The following PTPRH variants were observed in gnomAD, a reference collection of about 807,000 sequenced individuals.
PTPRH encodes the protein protein tyrosine phosphatase receptor type H.
A neutral mutation model predicts 130.2 loss-of-function variants in PTPRH; 113 were observed. The ratio of observed to expected loss-of-function variants is 0.87; its 90% confidence interval spans 0.75 to 1.01. The LOEUF (loss-of-function observed/expected upper bound fraction) is 1.01. Ranked by LOEUF, PTPRH falls within the 50% of genes least tolerant of loss-of-function variation. The probability of loss-of-function intolerance (pLI) is 0.00; values close to 1 mark genes in which losing one functional copy is unlikely to be tolerated. For missense variants in PTPRH, 1,430 were observed against 1,425.0 expected, an observed-to-expected ratio of 1.00 and a Z score of -0.06; for synonymous variants, 556 against 577.9, an observed-to-expected ratio of 0.96 and a Z score of 0.54.
Position 55,198,817 on chromosome 19 carries a change from AG to A in PTPRH, c.1515del (p.Tyr506ThrfsTer12). 1 of 1,609,618 alleles carries A rather than the reference AG, an allele frequency of 6.2e-7. No individual in the cohort carries two copies. The highest frequency in any genetic ancestry group is 8.5e-7 in the Non-Finnish European group (1 of 1,177,494). On this transcript the variant is annotated frameshift_variant, in exon 8 of 20. Transcript: ENST00000376350. LOFTEE classifies it high-confidence loss of function. ...CTGACCCATGAGACCCAGTAGCTGT[AG>A]GAAGACTGGCCTGGGCCCTGGGGAG... ...WTAPQGPGQS[S>X]YSYWVSWVRE...
chr19:55,195,948 T>C (rs756595301), intron 10 of PTPRH, among the ~76,000 whole-genome samples: 3 of 147,306 alleles, frequency 2.0e-5, no homozygotes, highest in Non-Finnish European at 3.0e-5. Flanking sequence ...TTCCGAGGGC[T>C]GGGGGCTGGG....
chr19:55,194,153 C>T, intron 10 of PTPRH: 1 of 1,288,334 alleles, frequency 7.8e-7, no homozygotes, highest in South Asian at 1.2e-5. Flanking sequence ...CCTGGCTGAT[C>T]TGGTGGTGTC....
chr19:55,195,576 A>G (rs918184588), intron 10 of PTPRH, among the ~76,000 whole-genome samples: 4 of 151,754 alleles, frequency 2.6e-5, no homozygotes, highest in African/African-American at 9.7e-5. Context: ...GTATGATTGC[A>G]TTTTTTTTGT....
rs141065261 is a variant in PTPRH at position 55,205,405 on chromosome 19, G to A, written c.540C>T (p.Pro180=). Residue 180 remains proline, a synonymous_variant, in exon 4 of 20, where the codon CCC becomes CCT. Transcript: ENST00000376350. The part of the protein sequence containing the change: ...HTNITVDGLE[P]GCLYAFSMWV... ...ACATGGAAAACGCATACAAACACCC[G>A]GGTTCAAGTCCATCCACGGTGATGT... 1.4e-4 allele frequency: 225 copies of A among 1,614,178 alleles called. No homozygotes were observed. The highest frequency in any genetic ancestry group is 1.1e-3 in the African/African-American group (80 of 75,030).
intron 5 of PTPRH, 120 bp from the exon 6 acceptor site, chr19:55,202,442 G>T: frequency 1.4e-6 from 2 of 1,429,846 alleles, no homozygotes; most frequent in Non-Finnish European, 1.9e-6. Context: ...GCACTGTCCA[G>T]TGTGGCAGCC....
chr19:55,203,827 T>C lies in PTPRH; in HGVS notation c.841A>G (p.Lys281Glu). The change falls in exon 5 of 20, where the codon AAA (lysine) becomes GAA (glutamate). Residue 281 changes from lysine to glutamate, a missense_variant. Physicochemically the swap from Lys to Glu is moderately conservative, Grantham distance 56. Transcript: ENST00000376350. ...TCCACAGAGCTATTTACTCCGTCTT[T>C]CTCCACCCACACAGAACACGTATAC... ...SLYTCSVWVE[K>E]DGVNSSVEIV... The C allele has an allele frequency of 6.2e-7, 1 of 1,613,614 alleles. No individual in the cohort carries two copies. Among genetic ancestry groups the C allele is most frequent in the East Asian group, 2.2e-5 (1 of 44,854 alleles).
intron 8 of PTPRH, 97 bp from the exon 9 acceptor site, chr19:55,197,513 T>C: frequency 1.7e-6 from 2 of 1,175,120 alleles, no homozygotes; most frequent in Non-Finnish European, 1.2e-6. Context: ...AGATATCCAT[T>C]ATTGATGGCT....
chr19:55,188,283 C>A (rs1053894302), intron 12 of PTPRH, 115 bp from the exon 13 acceptor site: 5 of 771,594 alleles, frequency 6.5e-6, no homozygotes, highest in Non-Finnish European at 1.1e-5. Flanking sequence ...GAGGCCGAGG[C>A]GGGTGGATCA....
At position 55,198,601 on chromosome 19, in the gene PTPRH, C is replaced by G. The variant is rs761857029; in HGVS notation, c.1690+42G>C. On this transcript the variant is annotated intron_variant, in intron 8 of 19. Coordinates refer to ENST00000376350, the MANE Select transcript of PTPRH (RefSeq NM_002842.5). ...AAAGTCCTTTCATCTTTTTCCTTCCCCCATCCTAATAGGGCTGGGTTCAGA... is the reference window on the plus strand; with the variant it reads ...AAAGTCCTTTCATCTTTTTCCTTCCGCCATCCTAATAGGGCTGGGTTCAGA... The G allele has an allele frequency of 2.7e-6, 4 of 1,506,924 alleles. No homozygotes were observed. In the South Asian group the frequency reaches 4.1e-5, roughly 15 times the overall value. The allele number at this position is 1,506,924 out of a possible 1,614,324, so 93.3% of individuals were successfully genotyped here.
At position 55,207,174 on chromosome 19, in the gene PTPRH, C is replaced by T; in HGVS notation, c.77G>A (p.Arg26Lys). The T allele has an allele frequency of 6.2e-7, 1 of 1,613,444 alleles. No homozygotes were observed. Among genetic ancestry groups the T allele is most frequent in the South Asian group, 1.1e-5 (1 of 91,010 alleles). ...LLGLCSWTGA[R>K]APAPNPGRNL... Reference sequence around the variant, plus strand: ...AGGCAGGGGTCACTCACCAGGCGCCCTGGCCCCTGTCCAGCTGCACAGGCC... The same window carrying T: ...AGGCAGGGGTCACTCACCAGGCGCCTTGGCCCCTGTCCAGCTGCACAGGCC... The change falls in exon 2 of 20, where the codon AGG becomes AAG. Residue 26 changes from arginine (R) to lysine (K), a missense_variant. By Grantham distance (26) the Arg-to-Lys change is conservative. Coordinates refer to ENST00000376350, the MANE Select transcript of PTPRH (RefSeq NM_002842.5).
At chr19:55,187,937 G>A (rs958565162) in intron 13 of PTPRH, 141 bp downstream of exon 13, 37 of 646,436 alleles carry the variant, frequency 5.7e-5, no homozygotes, top group Middle Eastern at 4.1e-4. Flanking sequence ...AACATGGCTG[G>A]GAATCTCTGC....
rs144382285 is a variant in PTPRH, at chr19:55,181,475, T to C, written c.*279A>G. The C allele has an allele frequency of 4.4e-3, 1,674 of 382,872 alleles. 27 individuals are homozygous for C. Among genetic ancestry groups the C allele is most frequent in the African/African-American group, 0.031 (1,548 of 49,920 alleles). 23.7% of individuals were successfully genotyped at this position (382,872 alleles called of 1,614,324 possible). On this transcript the variant is annotated 3_prime_UTR_variant, in exon 20 of 20. Transcript: ENST00000376350. Reference sequence around the variant, plus strand: ...CTGCCTCAGAATCCAGGCCCCAGCCTGTTTCTTTCTGCATCCTGGAAAGAC... The same window carrying C: ...CTGCCTCAGAATCCAGGCCCCAGCCCGTTTCTTTCTGCATCCTGGAAAGAC...
rs1599987628 is a variant in PTPRH at position 55,187,403 on chromosome 19, C to T, written c.2566+110G>A. The T allele has an allele frequency of 5.0e-6, 3 of 603,138 alleles. No individual in the cohort carries two copies. The East Asian group carries it at 9.8e-5, about 20-fold the overall frequency. The allele number at this position is 603,138 out of a possible 1,614,324, so 37.4% of individuals were successfully genotyped here. ...AAAAGGAAGAAAAAAAAAAGGAGAC[C>T]CACGGTAGGGGGCAGGACTTGTTTC... On this transcript the variant is annotated intron_variant, in intron 14 of 19. Coordinates refer to ENST00000376350, the MANE Select transcript of PTPRH (RefSeq NM_002842.5).
rs537191111 is a variant in PTPRH at position 55,183,178 on chromosome 19, G to A, written c.3063-1027C>T. On this transcript the variant is annotated intron_variant, in intron 18 of 19. Coordinates refer to ENST00000376350, the MANE Select transcript of PTPRH (RefSeq NM_002842.5). ...TGGGAGGCTGAGGTGGGTGGATCAC[G>A]AGGTCAGGAGATTGAGACCATCCTG... is the stretch of plus-strand genomic sequence containing the variant. Among the ~76,000 whole-genome samples the A allele has an allele frequency of 3.5e-4, 47 of 136,228 alleles. 1 individual carries two copies. Among genetic ancestry groups the A allele is most frequent in the African/African-American group, 1.1e-3 (42 of 36,694 alleles). 89.4% of individuals were successfully genotyped at this position (136,228 alleles called of 152,430 possible). A position where few individuals can be genotyped will look rare whatever the true frequency, so the allele number is the denominator to read the frequency against.
rs1339427731 is a variant in PTPRH, at chr19:55,206,772, C to G, written c.269G>C (p.Gly90Ala). ...AGAACACGTATACAATGACCCGGGT[C>G]CAAGGCCATCCACGGTGACGTTGGT... The part of the protein sequence containing the change: ...TATNVTVDGL[G>A]PGSLYTCSVW... The change falls in exon 3 of 20, where the codon GGA (glycine) becomes GCA (alanine). Residue 90 changes from glycine to alanine, a missense_variant. Coordinates refer to ENST00000376350, the MANE Select transcript of PTPRH (RefSeq NM_002842.5). 1 of 1,614,188 alleles carries G rather than the reference C, an allele frequency of 6.2e-7. No individual in the cohort carries two copies. The highest frequency in any genetic ancestry group is 1.1e-5 in the South Asian group (1 of 91,082).
rs1249851550 is a variant in PTPRH, at chr19:55,200,219, C to T, written c.1420+17G>A. On this transcript the variant is annotated intron_variant, in intron 7 of 19. Transcript: ENST00000376350. ...AACCTCTCACCAAAACAGGGAGTGG[C>T]CGTTGAGGGTTCCTACCTGTGGAGA... The T allele has an allele frequency of 1.2e-6, 2 of 1,612,538 alleles. No homozygotes were observed. The highest frequency in any genetic ancestry group is 1.7e-5 in the Admixed American group (1 of 59,884).
chr19:55,186,058 T>A (rs2086314301), intron 16 of PTPRH, 74 bp from the exon 17 acceptor site: 1 of 1,607,378 alleles, frequency 6.2e-7, no homozygotes, highest in South Asian at 1.1e-5. Context: ...AGGCCCCAAA[T>A]GTGAACCAGC....
intron 10 of PTPRH, chr19:55,193,917 C>T (rs954243577): frequency 2.8e-5 from 8 of 283,030 alleles, no homozygotes; most frequent in Admixed American, 4.9e-5. Context: ...GGTGCAATCC[C>T]GGCTCACCGC....
At chr19:55,189,586 T>A (rs1433162118) in intron 12 of PTPRH, 1 of 428,972 alleles carries the variant, frequency 2.3e-6, no homozygotes, top group East Asian at 7.4e-5. Flanking sequence ...GGAGCGCCTT[T>A]CCCAGATGCA....
Sources: gnomAD v4.1 joint callset for allele counts (sites outside exome capture counted in the v4.1 genomes callset) on GRCh38, gnomAD v4.1.1 for gene constraint, MANE v1.5 for transcripts, NCBI Gene and HGNC (gene_info 2026-07-23, HGNC 2026-07-21) for gene names.